The following CAB39 variants were observed in gnomAD, a reference collection of about 807,000 sequenced individuals.
CAB39 encodes the protein calcium binding protein 39.
A neutral mutation model predicts 40.0 loss-of-function variants in CAB39; 8 were observed. That is an observed-to-expected ratio of 0.20 (90% confidence interval 0.12 to 0.36). The LOEUF is 0.36. Among genes scored for constraint, CAB39 ranks in the 10% least tolerant of loss-of-function variants. The probability of loss-of-function intolerance (pLI) is 1.00; values close to 1 mark genes in which losing one functional copy is unlikely to be tolerated. For synonymous variants in CAB39, 156 were observed against 141.6 expected, an observed-to-expected ratio of 1.10 and a Z score of -0.72; for missense variants, 270 against 401.1, an observed-to-expected ratio of 0.67 and a Z score of 2.79.
chr2:230,816,873 C>G (rs1696411056), intron 7 of CAB39, among the ~76,000 whole-genome samples: 1 of 152,100 alleles, frequency 6.6e-6, no homozygotes, highest in African/African-American at 2.4e-5. Flanking sequence ...GGATTGGAAC[C>G]CAGGCAGGCT....
intron 5 of CAB39, among the ~76,000 whole-genome samples, chr2:230,803,035 C>T (rs1696120227): frequency 1.3e-5 from 2 of 152,168 alleles, no homozygotes; most frequent in Non-Finnish European, 2.9e-5. Context: ...AATCCAGCAG[C>T]ACATCAAAAA....
At chr2:230,766,387 T>C (rs1331140415) in intron 2 of CAB39, among the ~76,000 whole-genome samples, 2 of 152,136 alleles carry the variant, frequency 1.3e-5, no homozygotes, top group African/African-American at 4.8e-5. Flanking sequence ...AGAGAGAGAC[T>C]AGGAAGTACT....
intron 5 of CAB39, among the ~76,000 whole-genome samples, chr2:230,809,527 G>A (rs1012262506): frequency 2.0e-5 from 3 of 152,102 alleles, no homozygotes; most frequent in African/African-American, 7.2e-5. Context: ...CTAACTTCTA[G>A]GTCCTTGAAG....
intron 5 of CAB39, among the ~76,000 whole-genome samples, chr2:230,806,478 C>CT (rs1297898564): frequency 3.3e-5 from 5 of 152,118 alleles, no homozygotes; most frequent in Non-Finnish European, 7.4e-5. Context: ...AGGCGCTACA[C>CT]TTTAAGAGGC....
intron 2 of CAB39, among the ~76,000 whole-genome samples, chr2:230,782,472 T>G (rs1295585138): frequency 6.6e-6 from 1 of 152,144 alleles, no homozygotes; most frequent in African/African-American, 2.4e-5. Flanking sequence ...CTCATCTTTT[T>G]TTTTCTTTTT....
At chr2:230,788,081 G>A (rs1405371158) in intron 2 of CAB39, among the ~76,000 whole-genome samples, 1 of 152,118 alleles carries the variant, frequency 6.6e-6, no homozygotes, top group Non-Finnish European at 1.5e-5. Context: ...ACTGCTTAAC[G>A]CTGAGGTTTT....
At chr2:230,796,515 C>G (rs369737358) in intron 4 of CAB39, among the ~76,000 whole-genome samples, 59 of 152,192 alleles carry the variant, frequency 3.9e-4, no homozygotes, top group African/African-American at 1.3e-3. Flanking sequence ...ACTGTCTTAC[C>G]CTTGTCTTTC....
In CAB39 at chr2:230,799,191, A is replaced by G. The variant is rs1031290332; in HGVS notation, c.567+294A>G. On this transcript the variant is annotated intron_variant, in intron 5 of 8. Coordinates refer to ENST00000258418, the MANE Select transcript of CAB39 (RefSeq NM_016289.4). ...ATACTGTACAGCATATGTAACAACC[A>G]GGTTTTCTCCTGTGTTTGAAACATT... 9 of 236,512 alleles carry G rather than the reference A, an allele frequency of 3.8e-5. 1 individual carries two copies. The highest frequency in any genetic ancestry group is 2.2e-4 in the Admixed American group (4 of 17,884). The allele number at this position is 236,512 out of a possible 1,614,324, so 14.7% of individuals were successfully genotyped here.
chr2:230,723,353 A>G (rs1406003762), intron 1 of CAB39, among the ~76,000 whole-genome samples: 2 of 151,394 alleles, frequency 1.3e-5, no homozygotes, highest in Non-Finnish European at 2.9e-5. Context: ...CTTCATTTTA[A>G]TTTCTCTGCT....
At chr2:230,727,961 A>C (rs1694616354) in intron 1 of CAB39, among the ~76,000 whole-genome samples, 1 of 152,182 alleles carries the variant, frequency 6.6e-6, no homozygotes, top group Non-Finnish European at 1.5e-5. Context: ...AGCCCAGGCC[A>C]GGTGTGGTGG....
At chr2:230,789,493 G>T (rs997593748) in intron 2 of CAB39, among the ~76,000 whole-genome samples, 1 of 152,158 alleles carries the variant, frequency 6.6e-6, no homozygotes, top group African/African-American at 2.4e-5. Flanking sequence ...GATTAATTTT[G>T]TATGCCTACT....
At chr2:230,795,165 A>G (rs537044155) in intron 4 of CAB39, among the ~76,000 whole-genome samples, 18 of 152,034 alleles carry the variant, frequency 1.2e-4, no homozygotes, top group East Asian at 5.8e-4. Flanking sequence ...AATCCCAGCT[A>G]TTCGGGAGGC....
At chr2:230,746,557 T>G (rs1345357385) in intron 1 of CAB39, among the ~76,000 whole-genome samples, 1 of 152,224 alleles carries the variant, frequency 6.6e-6, no homozygotes, top group Non-Finnish European at 1.5e-5. Flanking sequence ...CAGGTTTATA[T>G]TCATGGTATA....
chr2:230,776,795 A>G (rs1695597986), intron 2 of CAB39, among the ~76,000 whole-genome samples: 1 of 151,424 alleles, frequency 6.6e-6, no homozygotes, highest in Admixed American at 6.6e-5. Context: ...GGTTCATGCC[A>G]TTCTACTGCC....
intron 1 of CAB39, among the ~76,000 whole-genome samples, chr2:230,734,826 T>G (rs1477358288): frequency 6.6e-6 from 1 of 152,160 alleles, no homozygotes; most frequent in African/African-American, 2.4e-5. Flanking sequence ...TCACTGCACT[T>G]ACATTCTCTC....
Position 230,793,756 on chromosome 2 carries a change from GCTTTA to G in CAB39, c.398+430_398+434del, listed in dbSNP as rs1414216200. Among the ~76,000 whole-genome samples the G allele has an allele frequency of 3.9e-5, 6 of 152,292 alleles. No individual in the cohort carries two copies. The East Asian group carries it at 1.2e-3, about 29-fold the overall frequency. On this transcript the variant is annotated intron_variant, in intron 4 of 8. Transcript: ENST00000258418. Reference sequence around the variant, plus strand: ...TTAAATGGAGCATGGATTCTCTACAGCTTTACTTTGTTGAGTCAGCAAAGTACATG... The same window carrying G: ...TTAAATGGAGCATGGATTCTCTACAGCTTTGTTGAGTCAGCAAAGTACATG...
At chr2:230,726,722 C>T (rs191519067) in intron 1 of CAB39, among the ~76,000 whole-genome samples, 1 of 151,962 alleles carries the variant, frequency 6.6e-6, no homozygotes, top group East Asian at 1.9e-4. Flanking sequence ...AAGATTGTTG[C>T]TAACCTATTC....
chr2:230,813,976 G>GTTTTTTTT (rs1335944963), intron 6 of CAB39, 73 bp from the exon 7 acceptor site: 12 of 261,844 alleles, frequency 4.6e-5, no homozygotes, highest in Admixed American at 3.5e-4. Flanking sequence ...TTACCTACCA[G>GTTTTTTTT]TCTTTTTTTT....
intron 2 of CAB39, among the ~76,000 whole-genome samples, chr2:230,770,725 A>T (rs1695466681): frequency 6.6e-6 from 1 of 152,206 alleles, no homozygotes; most frequent in South Asian, 2.1e-4. Flanking sequence ...ACCAAGTGGG[A>T]TTTATTCCTA....
Sources: gnomAD v4.1 joint callset for allele counts (sites outside exome capture counted in the v4.1 genomes callset) on GRCh38, gnomAD v4.1.1 for gene constraint, MANE v1.5 for transcripts, NCBI Gene and HGNC (gene_info 2026-07-23, HGNC 2026-07-21) for gene names.